The following ELOVL5 variants were observed in gnomAD, a reference collection of about 807,000 sequenced individuals.
ELOVL5 encodes ELOVL fatty acid elongase 5.
Under a neutral mutation model 38.6 loss-of-function variants are expected in ELOVL5, and 8 were observed. The ratio of observed to expected loss-of-function variants is 0.21; its 90% CI spans 0.12 to 0.37. The LOEUF (loss-of-function observed/expected upper bound fraction) is 0.37, where lower values mean the gene tolerates loss of function less well. ELOVL5 is among the 10% of genes least tolerant of loss of function. The probability of loss-of-function intolerance (pLI) is 1.00; values close to 1 mark genes in which losing one functional copy is unlikely to be tolerated. For synonymous variants in ELOVL5, 127 were observed against 133.7 expected (o/e 0.95, Z 0.34); for missense variants, 280 against 367.8 (o/e 0.76, Z 1.95).
At chr6:53,287,939 T>C (rs1346339608) in intron 3 of ELOVL5, 11 of 1,535,536 alleles carry the variant, frequency 7.2e-6, no homozygotes, top group Non-Finnish European at 9.6e-6. Flanking sequence ...TGCTCCCTTT[T>C]GGACTGTAAC....
intron 1 of ELOVL5, among the ~76,000 whole-genome samples, chr6:53,341,669 T>C (rs1351111983): frequency 6.6e-6 from 1 of 152,248 alleles, no homozygotes; most frequent in Non-Finnish European, 1.5e-5. Flanking sequence ...TTGTTCTCTT[T>C]AAAATTTGCA....
At chr6:53,309,026 A>AT (rs1383497954) in intron 1 of ELOVL5, among the ~76,000 whole-genome samples, 3 of 152,132 alleles carry the variant, frequency 2.0e-5, no homozygotes, top group Non-Finnish European at 2.9e-5. Flanking sequence ...ACAAGCATAC[A>AT]TTAATCCATC....
intron 3 of ELOVL5, among the ~76,000 whole-genome samples, chr6:53,289,884 CT>C (rs1170224689): frequency 1.3e-5 from 2 of 152,194 alleles, no homozygotes; most frequent in Non-Finnish European, 2.9e-5. Flanking sequence ...TTATTTTCAA[CT>C]TGGGTATATC....
chr6:53,345,105 C>T (rs1468400656), intron 1 of ELOVL5, among the ~76,000 whole-genome samples: 5 of 152,154 alleles, frequency 3.3e-5, no homozygotes, highest in African/African-American at 2.4e-5. Flanking sequence ...CCAGTTATTG[C>T]TTCAAGTAAC....
chr6:53,295,648 G>A lies in ELOVL5; in HGVS notation c.52C>T (p.Pro18Ser). The change falls in exon 2 of 8, where the codon CCT (proline) becomes TCT (serine). Residue 18 changes from proline to serine, a missense_variant. Around this residue, in one of 3 missense-constraint regions of ELOVL5, gnomAD observed 150 missense variants for 178.0 expected, o/e 0.84. Coordinates refer to ENST00000304434, the MANE Select transcript of ELOVL5 (RefSeq NM_021814.5). ...AAACCAAAAACCACCTTACCTCGAG[G>A]GCCTAGCAATGCCTTGAAATAGGTA... is the stretch of plus-strand genomic sequence containing the variant. The part of the protein sequence containing the change: ...LSTYFKALLG[P>S]RDTRVKGWFL... 6.2e-7 allele frequency: 1 copy of A among 1,601,752 alleles called. No individual in the cohort carries two copies. The highest frequency in any genetic ancestry group is 1.1e-5 in the South Asian group (1 of 88,344).
intron 3 of ELOVL5, chr6:53,277,209 A>G (rs1233156583): frequency 6.5e-6 from 1 of 153,630 alleles, no homozygotes; most frequent in Non-Finnish European, 1.5e-5. Context: ...CTGGTCTGAC[A>G]TCAGAAATAA....
At chr6:53,327,437 G>A (rs1768596143) in intron 1 of ELOVL5, among the ~76,000 whole-genome samples, 1 of 152,126 alleles carries the variant, frequency 6.6e-6, no homozygotes, top group Non-Finnish European at 1.5e-5. Context: ...AGATACAAGA[G>A]GTCACATATT....
chr6:53,291,655 C>T (rs1417525278), intron 3 of ELOVL5, 121 bp downstream of exon 3: 4 of 663,794 alleles, frequency 6.0e-6, no homozygotes, highest in Non-Finnish European at 9.8e-6. Flanking sequence ...CATTAAGATA[C>T]TTGCTTGCCC....
At chr6:53,341,693 C>T (rs2127595093) in intron 1 of ELOVL5, among the ~76,000 whole-genome samples, 1 of 152,306 alleles carries the variant, frequency 6.6e-6, no homozygotes, top group Non-Finnish European at 1.5e-5. Flanking sequence ...TATTCCGTTG[C>T]CCAGCTGTAG....
chr6:53,329,201 C>T (rs1369991761), intron 1 of ELOVL5, among the ~76,000 whole-genome samples: 1 of 63,612 alleles, frequency 1.6e-5, no homozygotes, highest in Non-Finnish European at 3.0e-5. Context: ...ACTACTACTG[C>T]TACTGCTACT....
At chr6:53,338,120 T>C (rs1769161131) in intron 1 of ELOVL5, among the ~76,000 whole-genome samples, 1 of 152,166 alleles carries the variant, frequency 6.6e-6, no homozygotes, top group Admixed American at 6.5e-5. Flanking sequence ...GGATGGATAT[T>C]TGAATCCATG....
chr6:53,276,094 G>A, intron 4 of ELOVL5, 85 bp downstream of exon 4: 1 of 920,746 alleles, frequency 1.1e-6, no homozygotes, highest in Non-Finnish European at 1.7e-6. Context: ...GGGCAGTGAG[G>A]TTATGGGCCA....
chr6:53,287,677 G>C (rs1003780325), intron 3 of ELOVL5, among the ~76,000 whole-genome samples: 3 of 152,214 alleles, frequency 2.0e-5, no homozygotes, highest in African/African-American at 7.2e-5. Context: ...GGCAGAAGTG[G>C]GAGTTTTAAG....
intron 1 of ELOVL5, among the ~76,000 whole-genome samples, chr6:53,306,926 AGAACTTTGCT>A (rs1406687348): frequency 6.6e-6 from 1 of 152,208 alleles, no homozygotes; most frequent in Non-Finnish European, 1.5e-5. Context: ...ACTTTCACAT[AGAACTTTGCT>A]GACAGTAACT....
intron 1 of ELOVL5, among the ~76,000 whole-genome samples, chr6:53,325,916 C>T (rs1345553213): frequency 1.3e-5 from 2 of 152,184 alleles, no homozygotes; most frequent in Non-Finnish European, 2.9e-5. Context: ...CACATTAAAA[C>T]GTGAATGCTC....
chr6:53,339,695 G>A (rs1281670099), intron 1 of ELOVL5, among the ~76,000 whole-genome samples: 1 of 152,110 alleles, frequency 6.6e-6, no homozygotes, highest in South Asian at 2.1e-4. Context: ...ACCTGTAACA[G>A]TATCACACAT....
At chr6:53,339,590 T>C (rs1003796502) in intron 1 of ELOVL5, among the ~76,000 whole-genome samples, 1 of 152,218 alleles carries the variant, frequency 6.6e-6, no homozygotes, top group African/African-American at 2.4e-5. Context: ...TGTAACATTA[T>C]AATGGAGCTG....
At chr6:53,279,291 AC>A (rs2127569461) in intron 3 of ELOVL5, among the ~76,000 whole-genome samples, 1 of 152,184 alleles carries the variant, frequency 6.6e-6, no homozygotes, top group East Asian at 1.9e-4. Context: ...GCACCTATGT[AC>A]CCCCATCTCC....
intron 1 of ELOVL5, among the ~76,000 whole-genome samples, chr6:53,300,467 C>CA (rs34162095): frequency 0.36 from 55,066 of 151,496 alleles, 11,102 homozygotes; most frequent in African/African-American, 0.55. Context: ...TAACTGTTAG[C>CA]AAAAAAAATA....
Sources: allele counts gnomAD v4.1 joint callset (sites outside exome capture counted in the v4.1 genomes callset), GRCh38; gene constraint gnomAD v4.1.1; regional missense constraint gnomAD v4.1.1; transcripts MANE v1.5; gene names NCBI Gene and HGNC (gene_info 2026-07-23, HGNC 2026-07-21).